The following TOM1L1 variants were observed in gnomAD, a reference collection of about 807,000 sequenced individuals.
The protein encoded by TOM1L1 is TOM1-like protein 1.
Under a neutral mutation model 63.4 loss-of-function variants are expected in TOM1L1, and 64 were observed. The observed-to-expected ratio is 1.01, with a 90% CI of 0.83 to 1.24. The LOEUF (loss-of-function observed/expected upper bound fraction) is 1.24. TOM1L1 is among the 50% of genes most tolerant of loss of function. The pLI is 0.00. For missense variants in TOM1L1, 536 were observed against 567.0 expected (o/e 0.95, Z 0.55); for synonymous variants, 166 against 194.4 (o/e 0.85, Z 1.22).
rs529758514 is a variant in TOM1L1, at chr17:54,943,280, CATTTA to C, written c.1131-3972_1131-3968del. Among the ~76,000 whole-genome samples the C allele has an allele frequency of 1.8e-4, 28 of 152,110 alleles. No individual in the cohort carries two copies. The South Asian group carries it at 4.1e-3, about 22-fold the overall frequency. ...TTTAATTGATATGTTAGGCAATTTA[CATTTA>C]ATTTAATTGTATGTAGAGTTTAGGT... On this transcript the variant is annotated intron_variant, in intron 11 of 15. Coordinates refer to ENST00000575882, the MANE Select transcript of TOM1L1 (RefSeq NM_005486.3).
chr17:54,905,635 G>T (rs1449233249), intron 3 of TOM1L1, 68 bp downstream of exon 3: 1 of 1,046,672 alleles, frequency 9.6e-7, no homozygotes, highest in African/African-American at 1.6e-5. Flanking sequence ...TTTAATCCTG[G>T]GTAAAAAATA....
chr17:54,939,012 G>C lies in TOM1L1; in HGVS notation c.1122G>C (p.Glu374Asp). ...QMNLLALENTEIPPFAQRTSQ... is the reference protein window; with the variant it reads ...QMNLLALENTDIPPFAQRTSQ... ...ACTTGCTAGCCTTGGAGAATACAGA[G>C]ATACCCCCGTAAGTATGTCAGTAAC... is the stretch of plus-strand genomic sequence containing the variant. The change falls in exon 11 of 16, where the codon GAG (glutamate) becomes GAC (aspartate). Residue 374 changes from glutamate to aspartate, a missense_variant. By Grantham distance (45) the Glu-to-Asp change is conservative (BLOSUM62 2). Transcript: ENST00000575882. The C allele has an allele frequency of 6.2e-7, 1 of 1,600,080 alleles. No homozygotes were observed. The highest frequency in any genetic ancestry group is 8.6e-7 in the Non-Finnish European group (1 of 1,168,334).
At chr17:54,943,626 T>C (rs913653708) in intron 11 of TOM1L1, among the ~76,000 whole-genome samples, 1 of 152,120 alleles carries the variant, frequency 6.6e-6, no homozygotes, top group African/African-American at 2.4e-5. Context: ...GAGTTTGCTT[T>C]AGTGATTGCA....
chr17:54,951,546 G>A (rs760578667), intron 14 of TOM1L1, among the ~76,000 whole-genome samples: 3 of 152,184 alleles, frequency 2.0e-5, no homozygotes, highest in Non-Finnish European at 2.9e-5. Flanking sequence ...GCTTCCAGAG[G>A]CTGGCTCCTA....
At chr17:54,950,436 T>A (rs975153715) in intron 14 of TOM1L1, among the ~76,000 whole-genome samples, 7 of 152,208 alleles carry the variant, frequency 4.6e-5, no homozygotes, top group Non-Finnish European at 7.3e-5. Flanking sequence ...AGGGTACTAG[T>A]CACTGATTGG....
At chr17:54,908,401 C>T (rs1330656646) in intron 3 of TOM1L1, among the ~76,000 whole-genome samples, 1 of 152,150 alleles carries the variant, frequency 6.6e-6, no homozygotes, top group Non-Finnish European at 1.5e-5. Context: ...TTAATATTCA[C>T]GTAAGCCAAA....
intron 2 of TOM1L1, 58 bp from the exon 3 acceptor site, chr17:54,905,431 A>G: frequency 8.5e-7 from 1 of 1,171,316 alleles, no homozygotes; most frequent in Non-Finnish European, 1.3e-6. Flanking sequence ...CTTTTCAGAG[A>G]GACTGCTTGT....
chr17:54,948,170 G>A (rs1239753500), intron 12 of TOM1L1, among the ~76,000 whole-genome samples: 3 of 152,082 alleles, frequency 2.0e-5, no homozygotes, highest in Non-Finnish European at 2.9e-5. Flanking sequence ...AGTCACCATC[G>A]GATGGACATT....
At chr17:54,947,544 A>C (rs1273873266) in intron 12 of TOM1L1, among the ~76,000 whole-genome samples, 1 of 152,228 alleles carries the variant, frequency 6.6e-6, no homozygotes, top group African/African-American at 2.4e-5. Context: ...CTCTATGGAC[A>C]TAACTCTTGT....
chr17:54,910,064 A>G (rs1279559173), intron 3 of TOM1L1, among the ~76,000 whole-genome samples: 1 of 152,176 alleles, frequency 6.6e-6, no homozygotes, highest in African/African-American at 2.4e-5. Context: ...CCAGATGTTC[A>G]CATTTTTAGC....
intron 7 of TOM1L1, among the ~76,000 whole-genome samples, chr17:54,928,367 C>CAA (rs58773256): frequency 0.022 from 3,301 of 148,448 alleles, 73 homozygotes; most frequent in East Asian, 0.13. Flanking sequence ...GGAAAAAAAC[C>CAA]AAAAAAAAAC....
chr17:54,940,768 A>G (rs775275630), intron 11 of TOM1L1, among the ~76,000 whole-genome samples: 2 of 152,012 alleles, frequency 1.3e-5, no homozygotes, highest in Non-Finnish European at 2.9e-5. Context: ...GCCTCTATTC[A>G]CATAAAGAAA....
intron 8 of TOM1L1, among the ~76,000 whole-genome samples, chr17:54,932,411 C>G (rs1222538409): frequency 6.6e-6 from 1 of 152,058 alleles, no homozygotes; most frequent in African/African-American, 2.4e-5. Flanking sequence ...CTTTAACTAC[C>G]AGGCCTAGGG....
Position 54,961,596 on chromosome 17 carries a change from T to G in TOM1L1, c.*363T>G. On this transcript the variant is annotated 3_prime_UTR_variant, in exon 16 of 16. Transcript: ENST00000575882. ...AAGAGTAGATTATTTTACTATGAAA[T>G]AATTCTGAATAGATGAAAGCATAAA... is the stretch of plus-strand genomic sequence containing the variant. The G allele has an allele frequency of 8.3e-7, 1 of 1,198,024 alleles. No homozygotes were observed. The allele number at this position is 1,198,024 out of a possible 1,614,324, so 74.2% of individuals were successfully genotyped here.
chr17:54,908,605 C>T (rs1363188780), intron 3 of TOM1L1, among the ~76,000 whole-genome samples: 2 of 152,110 alleles, frequency 1.3e-5, no homozygotes, highest in Admixed American at 6.5e-5. Context: ...TCTCCGTGGA[C>T]GTGTTAGCCT....
At chr17:54,904,753 C>T (rs776488487) in intron 2 of TOM1L1, among the ~76,000 whole-genome samples, 1 of 152,180 alleles carries the variant, frequency 6.6e-6, no homozygotes, top group Non-Finnish European at 1.5e-5. Flanking sequence ...GAACACAATT[C>T]TGGTAATTTT....
At chr17:54,944,565 T>C (rs889299698) in intron 11 of TOM1L1, among the ~76,000 whole-genome samples, 1 of 152,242 alleles carries the variant, frequency 6.6e-6, no homozygotes, top group African/African-American at 2.4e-5. Context: ...AGAATTTTCT[T>C]TATCAGTTCT....
intron 3 of TOM1L1, among the ~76,000 whole-genome samples, chr17:54,910,340 C>G (rs1048040050): frequency 1.3e-5 from 2 of 152,134 alleles, no homozygotes; most frequent in Admixed American, 6.5e-5. Context: ...CCTGTAATCT[C>G]AGCTACTTGG....
In TOM1L1 at chr17:54,903,741, A is replaced by G; in HGVS notation, c.92A>G (p.Asp31Gly). ...ACATTTGCTGGAGTTCAGACTGAAG[A>G]TTGGGGCCAGTTCATGCACATCTGT... Reference protein sequence around the residue: ...KATFAGVQTEDWGQFMHICDI... With the variant: ...KATFAGVQTEGWGQFMHICDI... Residue 31 changes from aspartate to glycine, a missense_variant, in exon 2 of 16, where the codon GAT becomes GGT. Physicochemically the swap from Asp to Gly is moderately conservative, Grantham distance 94. Coordinates refer to ENST00000575882, the MANE Select transcript of TOM1L1 (RefSeq NM_005486.3). 1 of 1,614,196 alleles carries G rather than the reference A, an allele frequency of 6.2e-7. No homozygotes were observed. The highest frequency in any genetic ancestry group is 1.3e-5 in the African/African-American group (1 of 75,060).
Sources: allele counts gnomAD v4.1 joint callset (sites outside exome capture counted in the v4.1 genomes callset), GRCh38; gene constraint gnomAD v4.1.1; transcripts MANE v1.5; gene names NCBI Gene and HGNC (gene_info 2026-07-23, HGNC 2026-07-21).